Variants in PPFIBP1 observed in about 807,000 individuals in gnomAD.
The protein encoded by PPFIBP1 is PPFIB scaffold protein 1, also known as liprin-beta-1.
A neutral mutation model predicts 137.8 loss-of-function variants in PPFIBP1; 112 were observed. The ratio of observed to expected loss-of-function variants is 0.81; its 90% confidence interval spans 0.70 to 0.95. PPFIBP1 has a LOEUF of 0.95. PPFIBP1 is among the 40% of genes least tolerant of loss of function. The pLI, the probability that PPFIBP1 is intolerant of heterozygous loss-of-function variation, is 0.00. For missense variants in PPFIBP1, 1,083 were observed against 1,196.6 expected, an observed-to-expected ratio of 0.91 and a Z score of 1.40; for synonymous variants, 378 against 417.3, an observed-to-expected ratio of 0.91 and a Z score of 1.15.
chr12:27,656,552 A>T, intron 8 of PPFIBP1, 64 bp from the exon 9 acceptor site: 1 of 968,848 alleles, frequency 1.0e-6, no homozygotes, highest in Admixed American at 1.8e-5. Context: ...AAGAGCTAAT[A>T]TGCTCTCTGA....
At chr12:27,587,853 A>G (rs1433173579) in intron 2 of PPFIBP1, among the ~76,000 whole-genome samples, 1 of 152,134 alleles carries the variant, frequency 6.6e-6, no homozygotes, top group Non-Finnish European at 1.5e-5. Context: ...GTCCACATTC[A>G]AAACCAAAAT....
intron 1 of PPFIBP1, among the ~76,000 whole-genome samples, chr12:27,575,714 T>G (rs2050499807): frequency 6.6e-6 from 1 of 152,206 alleles, no homozygotes; most frequent in Admixed American, 6.5e-5. Context: ...TCACTAAGGG[T>G]TTTTCTTCTA....
Position 27,687,505 on chromosome 12 carries a change from G to C in PPFIBP1, c.2368G>C (p.Glu790Gln). 6.2e-7 allele frequency: 1 copy of C among 1,613,566 alleles called. No homozygotes were observed. The highest frequency in any genetic ancestry group is 2.2e-5 in the East Asian group (1 of 44,866). The change falls in exon 25 of 30, where the codon GAG (glutamate) becomes CAG (glutamine). Residue 790 changes from glutamate to glutamine, a missense_variant and splice_region_variant. By Grantham distance (29) the Glu-to-Gln change is conservative (BLOSUM62 2). Coordinates refer to ENST00000228425, the MANE Select transcript of PPFIBP1 (RefSeq NM_003622.4). ...PNCLRRRPSD[E>Q]NTIAPSEVQK... ...CTGTCTACGGAGGCGGCCATCTGAT[G>C]AGGTAGTGTTTTAAGATTGAGGTTT... is the stretch of plus-strand genomic sequence containing the variant.
chr12:27,577,467 C>T (rs2050668381), intron 1 of PPFIBP1, among the ~76,000 whole-genome samples: 1 of 152,208 alleles, frequency 6.6e-6, no homozygotes, highest in Non-Finnish European at 1.5e-5. Context: ...ACCTTGCTTT[C>T]TCCTTTGGAT....
At position 27,621,488 on chromosome 12, in the gene PPFIBP1, A is replaced by G. The variant is rs1263082443; in HGVS notation, c.-35-11874A>G. Among the ~76,000 whole-genome samples the G allele has an allele frequency of 2.0e-5, 3 of 152,230 alleles. No individual in the cohort carries two copies. In the East Asian group the frequency reaches 5.8e-4, roughly 29 times the overall value. Reference sequence around the variant, plus strand: ...TTCGTTAATTGTACAAATTTTCCATATGTCTCTTAATATTGTAATAGGAAA... The same window carrying G: ...TTCGTTAATTGTACAAATTTTCCATGTGTCTCTTAATATTGTAATAGGAAA... On this transcript the variant is annotated intron_variant, in intron 2 of 29. Transcript: ENST00000228425.
intron 2 of PPFIBP1, among the ~76,000 whole-genome samples, chr12:27,602,415 CTG>C (rs573473428): frequency 2.0e-5 from 3 of 151,898 alleles, no homozygotes; most frequent in East Asian, 3.9e-4. Context: ...TATCACCTCA[CTG>C]TGTGTGTGTG....
chr12:27,601,588 A>C (rs1001855414), intron 2 of PPFIBP1, among the ~76,000 whole-genome samples: 1 of 152,182 alleles, frequency 6.6e-6, no homozygotes, highest in African/African-American at 2.4e-5. Context: ...TTTTCATTCT[A>C]ATATTAAGTT....
At chr12:27,567,628 G>A (rs1232997815) in intron 1 of PPFIBP1, among the ~76,000 whole-genome samples, 1 of 152,028 alleles carries the variant, frequency 6.6e-6, no homozygotes, top group Admixed American at 6.6e-5. Flanking sequence ...ATGGGTACTT[G>A]GCACTTCATT....
At chr12:27,589,895 A>G (rs2052283513) in intron 2 of PPFIBP1, among the ~76,000 whole-genome samples, 1 of 152,212 alleles carries the variant, frequency 6.6e-6, no homozygotes, top group African/African-American at 2.4e-5. Context: ...TTTTCAATTT[A>G]GTTTCTGAAT....
At chr12:27,592,574 A>C (rs2052650676) in intron 2 of PPFIBP1, 1 of 1,454,604 alleles carries the variant, frequency 6.9e-7, no homozygotes, top group East Asian at 2.3e-5. Context: ...ACAGGATGAT[A>C]CCTCCTCAGC....
chr12:27,623,123 G>A (rs916250537), intron 2 of PPFIBP1, among the ~76,000 whole-genome samples: 1 of 152,094 alleles, frequency 6.6e-6, no homozygotes, highest in Non-Finnish European at 1.5e-5. Flanking sequence ...GCCTGTGAAG[G>A]AAAATAGAGA....
At chr12:27,616,835 T>C (rs1304605620) in intron 2 of PPFIBP1, among the ~76,000 whole-genome samples, 1 of 152,104 alleles carries the variant, frequency 6.6e-6, no homozygotes, top group Non-Finnish European at 1.5e-5. Flanking sequence ...TCTGCTGAGA[T>C]TAAGTGTTGG....
chr12:27,560,527 T>TACAAA (rs1376020742), intron 1 of PPFIBP1, among the ~76,000 whole-genome samples: 61 of 152,340 alleles, frequency 4.0e-4, no homozygotes, highest in African/African-American at 1.3e-3. Flanking sequence ...TGGCATATTT[T>TACAAA]GGCTGTTCCT....
At chr12:27,584,503 TGTG>T (rs1231562129) in intron 2 of PPFIBP1, 1 of 152,208 alleles carries the variant, frequency 6.6e-6, no homozygotes, top group Non-Finnish European at 1.5e-5. Context: ...AAGGTACTAA[TGTG>T]GGGGTTGCAA....
At chr12:27,692,163 A>G (rs2061585724) in intron 28 of PPFIBP1, among the ~76,000 whole-genome samples, 1 of 152,152 alleles carries the variant, frequency 6.6e-6, no homozygotes, top group Non-Finnish European at 1.5e-5. Context: ...CTCATTTTGG[A>G]GATAAGGAAA....
chr12:27,692,633 T>C lies in PPFIBP1; in HGVS notation c.2908T>C (p.Ser970Pro). 1 of 1,614,146 alleles carries C rather than the reference T, an allele frequency of 6.2e-7. No individual in the cohort carries two copies. Among genetic ancestry groups the C allele is most frequent in the Non-Finnish European group, 8.5e-7 (1 of 1,179,986 alleles). The change falls in exon 29 of 30, where the codon TCT becomes CCT. Residue 970 changes from serine to proline, a missense_variant. By Grantham distance (74) the Ser-to-Pro change is moderately conservative. Transcript: ENST00000228425. ...EGTVRQIGAF[S>P]EGINNLTHML... is the part of the protein sequence containing the mutation. ...GACAGTGAGACAGATAGGTGCATTC[T>C]CTGAAGGCATCAACAATCTGACGGT...
At chr12:27,592,815 C>T in intron 2 of PPFIBP1, 1 of 652,884 alleles carries the variant, frequency 1.5e-6, no homozygotes. Flanking sequence ...AACATTTACT[C>T]ATTTATGGAA....
chr12:27,635,330 C>T lies in PPFIBP1; in HGVS notation c.270+215C>T, dbSNP rs191413324. 469 of 603,618 alleles carry T rather than the reference C, an allele frequency of 7.8e-4. 3 individuals carry two copies. In the African/African-American group the frequency reaches 7.9e-3, roughly 10 times the overall value. The allele number at this position is 603,618 out of a possible 1,614,324, so 37.4% of individuals were successfully genotyped here. A position where few individuals can be genotyped will look rare whatever the true frequency, so the allele number is the denominator to read the frequency against. On this transcript the variant is annotated intron_variant, in intron 4 of 29. Coordinates refer to ENST00000228425, the MANE Select transcript of PPFIBP1 (RefSeq NM_003622.4). ...TTTGTAAATACCAACAACAGGTCAC[C>T]TGATTCTGCCCATAAAAACAGACTG... is the stretch of plus-strand genomic sequence containing the variant.
At chr12:27,552,977 G>C (rs983519672) in intron 1 of PPFIBP1, among the ~76,000 whole-genome samples, 3 of 152,106 alleles carry the variant, frequency 2.0e-5, no homozygotes, top group African/African-American at 7.2e-5. Flanking sequence ...ATCAGATACC[G>C]AGAGTGGGAG....
Sources: gnomAD v4.1 joint callset for allele counts (sites outside exome capture counted in the v4.1 genomes callset) on GRCh38, gnomAD v4.1.1 for gene constraint, MANE v1.5 for transcripts, NCBI Gene and HGNC (gene_info 2026-07-23, HGNC 2026-07-21) for gene names.